The following CENPP variants were observed in gnomAD, a reference collection of about 807,000 sequenced individuals.
CENPP encodes centromere protein P.
Under a neutral mutation model 35.6 loss-of-function variants are expected in CENPP, and 24 were observed. The ratio of observed to expected loss-of-function variants is 0.67; its 90% CI spans 0.49 to 0.95. CENPP has a LOEUF of 0.95. CENPP is among the 40% of genes least tolerant of loss of function. The probability of loss-of-function intolerance (pLI) is 0.00; values close to 1 mark genes in which losing one functional copy is unlikely to be tolerated. For missense variants in CENPP, 332 were observed against 345.3 expected, an observed-to-expected ratio of 0.96 and a Z score of 0.31; for synonymous variants, 120 against 125.5, an observed-to-expected ratio of 0.96 and a Z score of 0.29.
At chr9:92,562,198 TTTTCTTTTC>T (rs1353574361) in intron 5 of CENPP, among the ~76,000 whole-genome samples, 24 of 149,214 alleles carry the variant, frequency 1.6e-4, no homozygotes, top group Admixed American at 3.3e-4. Context: ...GTTTTCTTTT[TTTTCTTTTC>T]TTTTTTTTTT....
At position 92,571,461 on chromosome 9, in the gene CENPP, C is replaced by T. The variant is rs557104866; in HGVS notation, c.565-39853C>T. Among the ~76,000 whole-genome samples, 724 of 152,254 alleles carry T rather than the reference C, an allele frequency of 4.8e-3. 3 individuals carry two copies. Among genetic ancestry groups the T allele is most frequent in the Middle Eastern group, 6.8e-3 (2 of 294 alleles). ...TCTGAGAGACAGTTTGTTATAATTT[C>T]TGTTCTTTTACATTTGCTTAGGAGT... On this transcript the variant is annotated intron_variant, in intron 5 of 7. Coordinates refer to ENST00000375587, the MANE Select transcript of CENPP (RefSeq NM_001012267.3).
intron 5 of CENPP, among the ~76,000 whole-genome samples, chr9:92,506,407 T>TA (rs748149862): frequency 1.3e-5 from 2 of 152,186 alleles, no homozygotes; most frequent in Non-Finnish European, 2.9e-5. Context: ...TTGTTTCTAC[T>TA]AGTCTCAGGA....
At chr9:92,449,983 A>G (rs1381764843) in intron 5 of CENPP, among the ~76,000 whole-genome samples, 1 of 152,216 alleles carries the variant, frequency 6.6e-6, no homozygotes, top group Non-Finnish European at 1.5e-5. Context: ...TTTGTATAAG[A>G]TAATTTTGGG....
At chr9:92,481,360 TTC>T (rs1430923927) in intron 5 of CENPP, among the ~76,000 whole-genome samples, 2 of 152,216 alleles carry the variant, frequency 1.3e-5, no homozygotes, top group African/African-American at 4.8e-5. Flanking sequence ...CTTTTTTCAT[TTC>T]TTTCTTTTAA....
chr9:92,379,179 T>C (rs1842190130), intron 4 of CENPP, among the ~76,000 whole-genome samples: 1 of 151,992 alleles, frequency 6.6e-6, no homozygotes, highest in Admixed American at 6.6e-5. Flanking sequence ...GGTCTGGGGG[T>C]TGGGGAGACA....
rs768682358 is a variant in CENPP at position 92,619,548 on chromosome 9, G to A, written c.*6399G>A. 1.3e-5 allele frequency: 20 copies of A among 1,587,574 alleles called. No individual in the cohort carries two copies. In the African/African-American group the frequency reaches 1.9e-4, roughly 15 times the overall value. On this transcript the variant is annotated 3_prime_UTR_variant, in exon 8 of 8. Coordinates refer to ENST00000375587, the MANE Select transcript of CENPP (RefSeq NM_001012267.3). ...TGGAGCAGTCCTTGGCAGTCATGGC[G>A]ACGCGGTACTGCTGCACCTGCAGGG...
intron 5 of CENPP, among the ~76,000 whole-genome samples, chr9:92,561,396 C>T (rs985938861): frequency 2.0e-5 from 3 of 152,168 alleles, no homozygotes; most frequent in African/African-American, 7.2e-5. Context: ...TTGGTTTTAA[C>T]ATTTAGCTTT....
intron 4 of CENPP, among the ~76,000 whole-genome samples, chr9:92,349,301 C>T (rs1841383206): frequency 6.6e-6 from 1 of 151,900 alleles, no homozygotes. Flanking sequence ...TTTTCATATT[C>T]CCTTGTATGA....
At chr9:92,578,041 T>C (rs1850328087) in intron 5 of CENPP, among the ~76,000 whole-genome samples, 1 of 148,434 alleles carries the variant, frequency 6.7e-6, no homozygotes, top group African/African-American at 2.5e-5. Flanking sequence ...TGAGTGAGAA[T>C]ATGCAGTGTT....
At chr9:92,525,136 A>T (rs1259558648) in intron 5 of CENPP, among the ~76,000 whole-genome samples, 3 of 152,040 alleles carry the variant, frequency 2.0e-5, no homozygotes, top group South Asian at 2.1e-4. Flanking sequence ...TAAGGAACAT[A>T]GCAAGACCTT....
At chr9:92,565,293 T>TAAAA (rs3078380) in intron 5 of CENPP, among the ~76,000 whole-genome samples, 1,997 of 33,080 alleles carry the variant, frequency 0.06, 276 homozygotes, top group Middle Eastern at 0.18. Context: ...GCTGATGAGC[T>TAAAA]AAAAAAAAAA....
chr9:92,591,134 A>C (rs1446662615), intron 5 of CENPP, among the ~76,000 whole-genome samples: 1 of 152,190 alleles, frequency 6.6e-6, no homozygotes, highest in Non-Finnish European at 1.5e-5. Flanking sequence ...TAAGACCTGC[A>C]GGGGGCCGGG....
chr9:92,371,684 G>C (rs1483363910), intron 4 of CENPP, among the ~76,000 whole-genome samples: 1 of 152,040 alleles, frequency 6.6e-6, no homozygotes, highest in Admixed American at 6.5e-5. Context: ...TCTGTCTAAT[G>C]CTGTGAACGG....
chr9:92,554,437 C>T (rs1331044280), intron 5 of CENPP, among the ~76,000 whole-genome samples: 1 of 152,132 alleles, frequency 6.6e-6, no homozygotes, highest in Non-Finnish European at 1.5e-5. Flanking sequence ...CCCGCATCAC[C>T]CTCCCAAAGT....
chr9:92,401,187 T>G, intron 5 of CENPP: 1 of 1,381,574 alleles, frequency 7.2e-7, no homozygotes, highest in Non-Finnish European at 1.0e-6. Context: ...TTCTTTTTCC[T>G]ATTGGAAAAA....
intron 4 of CENPP, among the ~76,000 whole-genome samples, chr9:92,349,772 TA>T (rs1365358824): frequency 6.6e-6 from 1 of 152,206 alleles, no homozygotes; most frequent in East Asian, 1.9e-4. Context: ...TTTGTATGTA[TA>T]CACACACATA....
chr9:92,516,438 A>G (rs935383062), intron 5 of CENPP, among the ~76,000 whole-genome samples: 25 of 152,320 alleles, frequency 1.6e-4, no homozygotes, highest in African/African-American at 4.6e-4. Context: ...AACACTATAT[A>G]TAAACTACTC....
chr9:92,529,181 G>A (rs1255000793), intron 5 of CENPP, among the ~76,000 whole-genome samples: 1 of 152,150 alleles, frequency 6.6e-6, no homozygotes, highest in African/African-American at 2.4e-5. Flanking sequence ...ATCCACAATT[G>A]TCATCCAAAA....
intron 5 of CENPP, among the ~76,000 whole-genome samples, chr9:92,537,381 C>T (rs1849207973): frequency 6.6e-6 from 1 of 152,046 alleles, no homozygotes. Flanking sequence ...GTAAAACTAG[C>T]TGAGTGCAGT....
Sources: gnomAD v4.1 joint callset for allele counts (sites outside exome capture counted in the v4.1 genomes callset) on GRCh38, gnomAD v4.1.1 for gene constraint, MANE v1.5 for transcripts, NCBI Gene and HGNC (gene_info 2026-07-23, HGNC 2026-07-21) for gene names.